The following DCHS2 variants were observed in gnomAD, a reference collection of about 807,000 sequenced individuals.
DCHS2 encodes the protein dachsous cadherin-related 2.
DCHS2 carries 142 observed loss-of-function variants against 182.4 expected under a neutral mutation model. The observed-to-expected ratio is 0.78, with a 90% confidence interval of 0.68 to 0.89. The LOEUF (loss-of-function observed/expected upper bound fraction) is 0.89, where lower values mean the gene tolerates loss of function less well. DCHS2 is among the 40% of genes least tolerant of loss of function. DCHS2 has a pLI of 0.00. For synonymous variants in DCHS2, 1,740 were observed against 1,663.3 expected, an observed-to-expected ratio of 1.05 and a Z score of -1.12; for missense variants, 4,319 against 4,198.6, an observed-to-expected ratio of 1.03 and a Z score of -0.79.
chr4:154,352,037 A>G (rs1029396624), intron 3 of DCHS2, among the ~76,000 whole-genome samples: 1 of 151,900 alleles, frequency 6.6e-6, no homozygotes, highest in Admixed American at 6.6e-5. Context: ...AACTAACTCC[A>G]CACACACACA....
chr4:154,298,171 G>T lies in DCHS2; in HGVS notation c.6143C>A (p.Ser2048Tyr), dbSNP rs1456946468. Residue 2048 changes from serine (S) to tyrosine (Y), a missense_variant, in exon 13 of 20, where the codon TCC becomes TAC. Ser to Tyr is a moderately radical substitution (Grantham distance 144). Coordinates refer to ENST00000357232, the MANE Select transcript of DCHS2 (RefSeq NM_001358235.2). ...LEQNPFDVFL[S>Y]PESPTNQTTV... The stretch of plus-strand genomic sequence containing the variant: ...TGTCTGGTTTGTAGGCGACTCGGGG[G>T]AAAGAAACACATCAAAAGGGTTCTG... 2 of 1,613,952 alleles carry T rather than the reference G, an allele frequency of 1.2e-6. No homozygotes were observed. The highest frequency in any genetic ancestry group is 1.7e-6 in the Non-Finnish European group (2 of 1,180,012).
intron 1 of DCHS2, among the ~76,000 whole-genome samples, chr4:154,440,285 T>A (rs1560759575): frequency 1.3e-5 from 2 of 152,178 alleles, no homozygotes; most frequent in Non-Finnish European, 2.9e-5. Context: ...TAAAAAAGTG[T>A]ACGATTGATG....
chr4:154,269,075 C>T (rs1294197026), intron 14 of DCHS2: 1 of 152,170 alleles, frequency 6.6e-6, no homozygotes, highest in South Asian at 2.1e-4. Context: ...TCCTATACTA[C>T]CCTTTAATGC....
rs1247198860 is a variant in DCHS2, at chr4:154,329,518, C to G, written c.3918+5G>C. On this transcript the variant is annotated splice_donor_5th_base_variant and intron_variant, in intron 6 of 19. Coordinates refer to ENST00000357232, the MANE Select transcript of DCHS2 (RefSeq NM_001358235.2). ...ACAAATTCATTGCAAGGTTTCTTCA[C>G]AAACCTTCACGTGTAACTCCTTTCC... The G allele has an allele frequency of 1.2e-6, 2 of 1,611,162 alleles. No individual in the cohort carries two copies. The highest frequency in any genetic ancestry group is 2.2e-5 in the East Asian group (1 of 44,862).
At chr4:154,269,013 A>C (rs1450307520) in intron 14 of DCHS2, 6 of 152,186 alleles carry the variant, frequency 3.9e-5, no homozygotes, top group Admixed American at 3.9e-4. Flanking sequence ...CCTGGACTGC[A>C]AGAAAATTAA....
At chr4:154,411,512 G>T (rs760954717) in intron 1 of DCHS2, among the ~76,000 whole-genome samples, 1 of 151,938 alleles carries the variant, frequency 6.6e-6, no homozygotes, top group Non-Finnish European at 1.5e-5. Flanking sequence ...CAGAAGAATC[G>T]CTTGAACCTG....
At chr4:154,307,673 C>T (rs1223237702) in intron 10 of DCHS2, among the ~76,000 whole-genome samples, 1 of 152,178 alleles carries the variant, frequency 6.6e-6, no homozygotes, top group Non-Finnish European at 1.5e-5. Context: ...TTCCAACCAT[C>T]TCTTTACTCC....
chr4:154,293,130 A>C (rs1295973317), intron 13 of DCHS2, among the ~76,000 whole-genome samples: 2 of 152,164 alleles, frequency 1.3e-5, no homozygotes, highest in African/African-American at 4.8e-5. Context: ...TTCTACAAAT[A>C]AACAATGTGT....
intron 1 of DCHS2, among the ~76,000 whole-genome samples, chr4:154,459,225 A>C (rs1294133086): frequency 6.6e-6 from 1 of 152,162 alleles, no homozygotes; most frequent in Non-Finnish European, 1.5e-5. Flanking sequence ...TTCTCACGAC[A>C]AAATGGAATA....
chr4:154,269,214 C>T (rs1363298564), intron 14 of DCHS2: 6 of 152,154 alleles, frequency 3.9e-5, no homozygotes, highest in Non-Finnish European at 8.8e-5. Flanking sequence ...GAATTACCCG[C>T]TCTCAATTCT....
chr4:154,279,394 A>C (rs1037893706), intron 13 of DCHS2, among the ~76,000 whole-genome samples: 1 of 152,124 alleles, frequency 6.6e-6, no homozygotes, highest in African/African-American at 2.4e-5. Flanking sequence ...AAATAAGCTG[A>C]AAATGAAATG....
In DCHS2 at chr4:154,259,775, A is replaced by C; in HGVS notation, c.6578-19T>G. 1 of 1,577,872 alleles carries C rather than the reference A, an allele frequency of 6.3e-7. No homozygotes were observed. The highest frequency in any genetic ancestry group is 8.6e-7 in the Non-Finnish European group (1 of 1,167,794). On this transcript the variant is annotated intron_variant, in intron 14 of 19. Transcript: ENST00000357232. ...AGTTGTCCTATTTTTATTTCCAAGG[A>C]GAAAAAAAAGAAAATGATGTTGTAG...
At chr4:154,481,469 C>G (rs1735917686) in intron 1 of DCHS2, among the ~76,000 whole-genome samples, 1 of 152,060 alleles carries the variant, frequency 6.6e-6, no homozygotes, top group Admixed American at 6.6e-5. Flanking sequence ...GTTGCCCAGG[C>G]TGGTCTCAAA....
intron 1 of DCHS2, among the ~76,000 whole-genome samples, chr4:154,409,183 G>C (rs1255499259): frequency 6.6e-6 from 1 of 152,064 alleles, no homozygotes; most frequent in South Asian, 2.1e-4. Flanking sequence ...GTAGAGTCTG[G>C]GCTGCTGAGT....
intron 13 of DCHS2, among the ~76,000 whole-genome samples, chr4:154,292,506 A>G (rs970924687): frequency 2.0e-5 from 3 of 152,224 alleles, no homozygotes; most frequent in Non-Finnish European, 2.9e-5. Context: ...TTCACATTAG[A>G]AAGCCTGGGC....
At chr4:154,389,004 C>G (rs929129538) in intron 1 of DCHS2, among the ~76,000 whole-genome samples, 1 of 152,116 alleles carries the variant, frequency 6.6e-6, no homozygotes, top group Admixed American at 6.5e-5. Context: ...GATGTCTAAA[C>G]CAGGGGTGAG....
At chr4:154,307,435 G>GCA (rs1735485402) in intron 10 of DCHS2, among the ~76,000 whole-genome samples, 2 of 29,718 alleles carry the variant, frequency 6.7e-5, no homozygotes, top group East Asian at 1.8e-3. Context: ...ACACAGATGT[G>GCA]CGCGCGCACA....
chr4:154,255,410 A>G, intron 16 of DCHS2, 109 bp downstream of exon 16: 2 of 1,397,898 alleles, frequency 1.4e-6, no homozygotes, highest in Non-Finnish European at 1.9e-6. Flanking sequence ...TCAAAGGGAT[A>G]ACACATTTTA....
rs571858459 is a variant in DCHS2 at position 154,430,312 on chromosome 4, A to G, written c.2053-52868T>C. On this transcript the variant is annotated intron_variant, in intron 1 of 19. Transcript: ENST00000357232. Reference sequence around the variant, plus strand: ...AGCCATGAAAAGTTTTCAGAGTCCAACTGAGAACTTCTGACAGGCTAAGAT... The same window carrying G: ...AGCCATGAAAAGTTTTCAGAGTCCAGCTGAGAACTTCTGACAGGCTAAGAT... Among the ~76,000 whole-genome samples the G allele has an allele frequency of 1.9e-3, 293 of 152,320 alleles. 2 individuals are homozygous for G. Among genetic ancestry groups the G allele is most frequent in the African/African-American group, 6.7e-3 (280 of 41,564 alleles).
Sources: allele counts gnomAD v4.1 joint callset (sites outside exome capture counted in the v4.1 genomes callset), GRCh38; gene constraint gnomAD v4.1.1; transcripts MANE v1.5; gene names NCBI Gene and HGNC (gene_info 2026-07-23, HGNC 2026-07-21).